The following DAAM1 variants were observed in gnomAD, a reference collection of about 807,000 sequenced individuals.
DAAM1 encodes the protein dishevelled associated activator of morphogenesis 1, also known as disheveled-associated activator of morphogenesis 1.
Under a neutral mutation model 130.0 loss-of-function variants are expected in DAAM1, and 52 were observed. The ratio of observed to expected loss-of-function variants is 0.40; its 90% CI spans 0.32 to 0.50. DAAM1 has a LOEUF of 0.50. Among genes scored for constraint, DAAM1 ranks in the 20% least tolerant of loss-of-function variants. DAAM1 has a pLI of 0.61. For missense variants in DAAM1, 1,134 were observed against 1,303.8 expected (o/e 0.87, Z 2.01); for synonymous variants, 452 against 444.5 (o/e 1.02, Z -0.21).
intron 2 of DAAM1, among the ~76,000 whole-genome samples, chr14:59,281,125 C>T (rs942909319): frequency 4.6e-5 from 7 of 152,260 alleles, no homozygotes; most frequent in East Asian, 1.9e-4. Flanking sequence ...TGCTATGGAA[C>T]GTTCACCTCT....
At chr14:59,286,572 AAC>A (rs1257835719) in intron 2 of DAAM1, among the ~76,000 whole-genome samples, 2 of 152,118 alleles carry the variant, frequency 1.3e-5, no homozygotes, top group African/African-American at 2.4e-5. Context: ...AATCTAAATA[AAC>A]ACAGTCAGAA....
Position 59,362,147 on chromosome 14 carries a change from C to T in DAAM1, c.2694+1285C>T, listed in dbSNP as rs1410724650. The T allele has an allele frequency of 4.6e-5, 7 of 151,756 alleles. No individual in the cohort carries two copies. In the East Asian group the frequency reaches 1.2e-3, roughly 25 times the overall value. The allele number at this position is 151,756 out of a possible 1,614,324, so 9.4% of individuals were successfully genotyped here. ...ATGGCCCTAAAGCCTGGCTCTGACC[C>T]CTGCTTCTGAGCCAGGTCAGAGCAA... On this transcript the variant is annotated intron_variant, in intron 22 of 24. Transcript: ENST00000360909.
At position 59,322,928 on chromosome 14, in the gene DAAM1, A is replaced by T; in HGVS notation, c.477A>T (p.Ser159=). ...GATTCATCGACTTGGATGGCCTATC[A>T]TGTATCCTCAACTTTCTAAAGACCA... ...VTRFIDLDGL[S]CILNFLKTMD... is the part of the protein sequence containing the mutation. The change falls in exon 6 of 25, where the codon TCA becomes TCT. Residue 159 remains serine (S), a synonymous_variant. Coordinates refer to ENST00000360909, the MANE Select transcript of DAAM1 (RefSeq NM_001270520.2). The T allele has an allele frequency of 6.2e-7, 1 of 1,613,922 alleles. No homozygotes were observed. The highest frequency in any genetic ancestry group is 8.5e-7 in the Non-Finnish European group (1 of 1,179,826).
At chr14:59,342,393 T>G (rs1292058967) in intron 16 of DAAM1, among the ~76,000 whole-genome samples, 1 of 152,204 alleles carries the variant, frequency 6.6e-6, no homozygotes, top group Non-Finnish European at 1.5e-5. Flanking sequence ...CAGAATGACA[T>G]GTTAAATGTG....
intron 1 of DAAM1, among the ~76,000 whole-genome samples, chr14:59,198,207 CTTT>C (rs751141772): frequency 7.5e-6 from 1 of 133,410 alleles, no homozygotes; most frequent in Admixed American, 7.6e-5. Context: ...TCTTTTCTTT[CTTT>C]TTTTTTTTTT....
intron 8 of DAAM1, among the ~76,000 whole-genome samples, chr14:59,324,792 G>A (rs1885145479): frequency 6.6e-6 from 1 of 152,182 alleles, no homozygotes; most frequent in African/African-American, 2.4e-5. Context: ...TGGTGGTGAT[G>A]ATGATAATGA....
chr14:59,253,229 C>T (rs767273002), intron 1 of DAAM1, among the ~76,000 whole-genome samples: 4 of 152,188 alleles, frequency 2.6e-5, no homozygotes, highest in East Asian at 1.9e-4. Context: ...TTCCTAAAGT[C>T]ATTCCAAGAA....
At chr14:59,351,152 T>A (rs888108076) in intron 17 of DAAM1, among the ~76,000 whole-genome samples, 1 of 152,042 alleles carries the variant, frequency 6.6e-6, no homozygotes, top group African/African-American at 2.4e-5. Flanking sequence ...CTTTGACTCT[T>A]CCTCTCTCAT....
rs567820416 is a variant in DAAM1, at chr14:59,268,049, C to T, written c.183+4389C>T. On this transcript the variant is annotated intron_variant, in intron 2 of 24. Transcript: ENST00000360909. ...TCCTGAGTAGCTGGGACCACAAGCA[C>T]GCACCACTGCGCCCAGCTATTTTTG... Among the ~76,000 whole-genome samples the T allele has an allele frequency of 8.5e-5, 13 of 152,060 alleles. No individual in the cohort carries two copies. In the South Asian group the frequency reaches 2.3e-3, roughly 27 times the overall value.
intron 17 of DAAM1, among the ~76,000 whole-genome samples, chr14:59,349,254 G>A (rs948457613): frequency 2.0e-5 from 3 of 152,212 alleles, no homozygotes; most frequent in Admixed American, 1.3e-4. Context: ...TATTGACAAG[G>A]TTGTATGTTT....
intron 21 of DAAM1, 72 bp downstream of exon 21, chr14:59,359,576 CTGCAT>C: frequency 8.8e-7 from 1 of 1,137,930 alleles, no homozygotes; most frequent in Admixed American, 1.9e-5. Flanking sequence ...GTAGTTTGCA[CTGCAT>C]GAAGTCAGTC....
chr14:59,251,931 G>A (rs368936247), intron 1 of DAAM1, among the ~76,000 whole-genome samples: 1 of 152,146 alleles, frequency 6.6e-6, no homozygotes, highest in Admixed American at 6.5e-5. Context: ...AGCTGGAGCC[G>A]AGGTGTGGTG....
rs761060298 is a variant in DAAM1, at chr14:59,360,796, C to CAACA, written c.2634-5_2634-2dup. 1.3e-5 allele frequency: 21 copies of CAACA among 1,612,694 alleles called. No individual in the cohort carries two copies. The African/African-American group carries it at 2.4e-4, about 18-fold the overall frequency. Reference sequence around the variant, plus strand: ...TTGATTGCTAAAACATTGCTATTTACAACAGCATGACTGAGCTGGACAAAG... The same window carrying CAACA: ...TTGATTGCTAAAACATTGCTATTTACAACAAACAGCATGACTGAGCTGGACAAAG... On this transcript the variant is annotated splice_region_variant and splice_polypyrimidine_tract_variant and intron_variant, in intron 21 of 24. Transcript: ENST00000360909.
intron 17 of DAAM1, among the ~76,000 whole-genome samples, chr14:59,350,655 G>A (rs898372582): frequency 1.3e-5 from 2 of 151,956 alleles, no homozygotes; most frequent in Non-Finnish European, 2.9e-5. Flanking sequence ...CCCTGTTGCC[G>A]GAGCCAGGGG....
At chr14:59,189,003 G>T (rs999887365) in intron 1 of DAAM1, among the ~76,000 whole-genome samples, 1 of 152,230 alleles carries the variant, frequency 6.6e-6, no homozygotes, top group South Asian at 2.1e-4. Flanking sequence ...TGGGAAAATG[G>T]CTGCAGCGCA....
intron 1 of DAAM1, among the ~76,000 whole-genome samples, chr14:59,261,042 C>T (rs1215465681): frequency 2.0e-5 from 3 of 152,268 alleles, no homozygotes; most frequent in East Asian, 1.9e-4. Context: ...GAGCCATTGG[C>T]AGATTTTTCA....
chr14:59,317,669 C>T (rs1035997710), intron 4 of DAAM1, among the ~76,000 whole-genome samples: 6 of 152,142 alleles, frequency 3.9e-5, no homozygotes, highest in African/African-American at 1.4e-4. Flanking sequence ...TGTTTGCGGT[C>T]CCACCAGCAT....
chr14:59,263,015 G>A (rs998217882), intron 1 of DAAM1, among the ~76,000 whole-genome samples: 1 of 152,186 alleles, frequency 6.6e-6, no homozygotes, highest in African/African-American at 2.4e-5. Flanking sequence ...TTAGGGAAGA[G>A]AACTTTTAAA....
intron 1 of DAAM1, among the ~76,000 whole-genome samples, chr14:59,193,832 C>T (rs1413361085): frequency 6.6e-6 from 1 of 152,174 alleles, no homozygotes; most frequent in Non-Finnish European, 1.5e-5. Flanking sequence ...CCACAGCTTC[C>T]ACGAAGCCTT....
Sources: gnomAD v4.1 joint callset for allele counts (sites outside exome capture counted in the v4.1 genomes callset) on GRCh38, gnomAD v4.1.1 for gene constraint, MANE v1.5 for transcripts, NCBI Gene and HGNC (gene_info 2026-07-23, HGNC 2026-07-21) for gene names.